SLC40A1: variants seen among roughly 807,000 people sequenced by gnomAD.
SLC40A1 encodes ferroportin.
A neutral mutation model predicts 53.5 loss-of-function variants in SLC40A1; 16 were observed. The ratio of observed to expected loss-of-function variants is 0.30; its 90% CI spans 0.20 to 0.45. The LOEUF is 0.45. SLC40A1 is among the 20% of genes least tolerant of loss of function. The pLI, the probability that SLC40A1 is intolerant of heterozygous loss-of-function variation, is 1.00. For synonymous variants in SLC40A1, 247 were observed against 253.2 expected, an observed-to-expected ratio of 0.98 and a Z score of 0.23; for missense variants, 545 against 695.4, an observed-to-expected ratio of 0.78 and a Z score of 2.43.
At chr2:189,571,103 T>C (rs2031111584) in intron 5 of SLC40A1, among the ~76,000 whole-genome samples, 1 of 152,184 alleles carries the variant, frequency 6.6e-6, no homozygotes, top group Admixed American at 6.5e-5. Context: ...CTTGTAAGCA[T>C]TCTTCAGATG....
Position 189,570,019 on chromosome 2 carries a change from C to T in SLC40A1, c.514+1696G>A, listed in dbSNP as rs569641163. On this transcript the variant is annotated intron_variant, in intron 5 of 7. Coordinates refer to ENST00000261024, the MANE Select transcript of SLC40A1 (RefSeq NM_014585.6). ...ATATGTATGTATATATATATACACA[C>T]CTATATATGTATGTATATATATATA... Among the ~76,000 whole-genome samples, 536 of 145,716 alleles carry T rather than the reference C, an allele frequency of 3.7e-3. 1 individual carries two copies. Among genetic ancestry groups the T allele is most frequent in the Non-Finnish European group, 6.2e-3 (416 of 66,766 alleles).
At chr2:189,570,368 T>C (rs916026783) in intron 5 of SLC40A1, among the ~76,000 whole-genome samples, 13 of 152,162 alleles carry the variant, frequency 8.5e-5, no homozygotes, top group Admixed American at 6.6e-4. Flanking sequence ...TATCCTTTTG[T>C]ACCCTTTGAA....
At chr2:189,562,843 T>G (rs2043935) in intron 7 of SLC40A1, among the ~76,000 whole-genome samples, 152,129 of 152,130 alleles carry the variant, frequency 1, 76,064 homozygotes, top group Non-Finnish European at 1. Context: ...AATACATATT[T>G]GCTAGAGAAG....
Position 189,578,601 on chromosome 2 carries a change from A to C in SLC40A1, c.111+1212T>G, listed in dbSNP as rs866864280. On this transcript the variant is annotated intron_variant, in intron 2 of 7. Transcript: ENST00000261024. ...TTCCCATCACATGTTATTAATACTTAATATTTACTGAATTAAACTGGGGGA... is the reference window on the plus strand; with the variant it reads ...TTCCCATCACATGTTATTAATACTTCATATTTACTGAATTAAACTGGGGGA... The C allele has an allele frequency of 2.7e-4, 43 of 160,616 alleles. 2 individuals carry two copies. The Middle Eastern group carries it at 0.018, about 68-fold the overall frequency. The allele number at this position is 160,616 out of a possible 1,614,324, so 9.9% of individuals were successfully genotyped here. A position where few individuals can be genotyped will look rare whatever the true frequency, so the allele number is the denominator to read the frequency against.
At chr2:189,573,001 T>C (rs2031179694) in intron 3 of SLC40A1, 40 bp from the exon 4 acceptor site, 2 of 1,331,920 alleles carry the variant, frequency 1.5e-6, no homozygotes, top group Admixed American at 3.4e-5. Context: ...TACATCAAAA[T>C]GTCTCAGTGA....
chr2:189,567,836 G>A (rs1427387608), intron 5 of SLC40A1, among the ~76,000 whole-genome samples: 1 of 152,164 alleles, frequency 6.6e-6, no homozygotes, highest in Admixed American at 6.5e-5. Context: ...TGCCACCGCA[G>A]AGGTTTCACT....
Position 189,570,994 on chromosome 2 carries a change from C to T in SLC40A1, c.514+721G>A, listed in dbSNP as rs576279410. Among the ~76,000 whole-genome samples, 194 of 152,206 alleles carry T rather than the reference C, an allele frequency of 1.3e-3. 1 individual carries two copies. The highest frequency in any genetic ancestry group is 4.5e-3 in the African/African-American group (186 of 41,516). The stretch of plus-strand genomic sequence containing the variant: ...ATTGTAATTCCAATTTGTGTCAATC[C>T]AAATTGTGTCTGTGTGTCATATGAG... On this transcript the variant is annotated intron_variant, in intron 5 of 7. Coordinates refer to ENST00000261024, the MANE Select transcript of SLC40A1 (RefSeq NM_014585.6).
intron 2 of SLC40A1, among the ~76,000 whole-genome samples, chr2:189,577,892 T>C (rs1383950208): frequency 2.0e-5 from 3 of 152,086 alleles, no homozygotes; most frequent in Non-Finnish European, 4.4e-5. Context: ...ATTACAGGCA[T>C]GAGCCACTGC....
At chr2:189,562,412 AAG>A (rs1281878508) in intron 7 of SLC40A1, among the ~76,000 whole-genome samples, 1 of 152,210 alleles carries the variant, frequency 6.6e-6, no homozygotes, top group Non-Finnish European at 1.5e-5. Context: ...ATCAGACAAA[AAG>A]AAGTCTAATC....
At chr2:189,572,180 T>C (rs956823500) in intron 4 of SLC40A1, among the ~76,000 whole-genome samples, 1 of 152,148 alleles carries the variant, frequency 6.6e-6, no homozygotes, top group Admixed American at 6.6e-5. Flanking sequence ...TGAAGGGGAA[T>C]TGAAAACACC....
Position 189,580,738 on chromosome 2 carries a change from C to G in SLC40A1, c.-278G>C, listed in dbSNP as rs2105637545. 7.4e-7 allele frequency: 1 copy of G among 1,349,928 alleles called. No homozygotes were observed. The highest frequency in any genetic ancestry group is 9.5e-7 in the Non-Finnish European group (1 of 1,048,312). The allele number at this position is 1,349,928 out of a possible 1,614,324, so 83.6% of individuals were successfully genotyped here. On this transcript the variant is annotated 5_prime_UTR_variant, in exon 1 of 8. Coordinates refer to ENST00000261024, the MANE Select transcript of SLC40A1 (RefSeq NM_014585.6). ...GGTTTGGGAGGCTCAGCAGGTCGTC[C>G]GAGCCTAGCGGACGCCCTGAGCCAG...
rs190887948 is a variant in SLC40A1, at chr2:189,576,314, C to A, written c.112-994G>T. 2.3e-3 allele frequency among the ~76,000 whole-genome samples: 343 copies of A among 152,300 alleles called. 1 individual carries two copies. Among genetic ancestry groups the A allele is most frequent in the African/African-American group, 7.8e-3 (324 of 41,564 alleles). Reference sequence around the variant, plus strand: ...TACAGAAATACTTCTACTCCTAGTTCTTCCCAAAGTCTGTTAACATCTTCA... The same window carrying A: ...TACAGAAATACTTCTACTCCTAGTTATTCCCAAAGTCTGTTAACATCTTCA... On this transcript the variant is annotated intron_variant, in intron 2 of 7. Coordinates refer to ENST00000261024, the MANE Select transcript of SLC40A1 (RefSeq NM_014585.6).
intron 2 of SLC40A1, chr2:189,578,402 T>C: frequency 1.0e-6 from 1 of 998,688 alleles, no homozygotes; most frequent in Non-Finnish European, 1.2e-6. Flanking sequence ...GGACTTTTAA[T>C]GAACATGACA....
chr2:189,568,262 G>C (rs533275056), intron 5 of SLC40A1, among the ~76,000 whole-genome samples: 50 of 152,214 alleles, frequency 3.3e-4, no homozygotes, highest in African/African-American at 1.2e-3. Context: ...GCCGAGGCGG[G>C]TGGATCACGA....
intron 2 of SLC40A1, among the ~76,000 whole-genome samples, chr2:189,579,608 T>C (rs992970585): frequency 3.9e-5 from 6 of 152,212 alleles, no homozygotes; most frequent in Non-Finnish European, 8.8e-5. Flanking sequence ...TAAACTACGA[T>C]GATCTGATAA....
chr2:189,576,640 T>C (rs529416900), intron 2 of SLC40A1, among the ~76,000 whole-genome samples: 1 of 152,238 alleles, frequency 6.6e-6, no homozygotes, highest in South Asian at 2.1e-4. Flanking sequence ...AAATTTAGAT[T>C]TGATTAGGAT....
At chr2:189,572,305 T>C (rs1408844621) in intron 4 of SLC40A1, among the ~76,000 whole-genome samples, 1 of 152,208 alleles carries the variant, frequency 6.6e-6, no homozygotes, top group Non-Finnish European at 1.5e-5. Flanking sequence ...CAAAGATTTC[T>C]AAAGTCCTAC....
chr2:189,577,290 A>T (rs941706475), intron 2 of SLC40A1, among the ~76,000 whole-genome samples: 3 of 152,226 alleles, frequency 2.0e-5, no homozygotes, highest in African/African-American at 7.2e-5. Context: ...AGCGCACAAA[A>T]GGTTTTCATG....
chr2:189,578,394 AC>A, intron 2 of SLC40A1: 1 of 1,000,966 alleles, frequency 1.0e-6, no homozygotes, highest in East Asian at 1.1e-4. Context: ...TTCTTGTGGG[AC>A]TTTTAATGAA....
Sources: allele counts gnomAD v4.1 joint callset (sites outside exome capture counted in the v4.1 genomes callset), GRCh38; gene constraint gnomAD v4.1.1; transcripts MANE v1.5; gene names NCBI Gene and HGNC (gene_info 2026-07-23, HGNC 2026-07-21).